UXS1: variants seen among roughly 807,000 people sequenced by gnomAD.
UXS1 encodes the protein UDP-glucuronic acid decarboxylase 1.
UXS1 carries 33 observed loss-of-function variants against 62.6 expected under a neutral mutation model. The observed-to-expected ratio is 0.53, with a 90% CI of 0.40 to 0.70. UXS1 has a LOEUF of 0.70. Among genes scored for constraint, UXS1 ranks in the 30% least tolerant of loss-of-function variants. The pLI, the probability that UXS1 is intolerant of heterozygous loss-of-function variation, is 0.00. For missense variants in UXS1, 434 were observed against 556.3 expected (o/e 0.78, Z 2.21); for synonymous variants, 213 against 206.8 (o/e 1.03, Z -0.26).
chr2:106,103,542 T>C (rs562812040), intron 11 of UXS1, among the ~76,000 whole-genome samples: 117 of 152,340 alleles, frequency 7.7e-4, no homozygotes, highest in African/African-American at 2.6e-3. Context: ...TGTGCCATGA[T>C]AGTTTCCTCC....
Position 106,112,646 on chromosome 2 carries a change from C to G in UXS1, c.879G>C (p.Thr293=). The part of the protein sequence containing the change: ...ILQALQGEPL[T]VYGSGSQTRA... ...TCCCTGAGCCGAGGCCAGCACCTAC[C>G]GTGAGTGGCTCCCCCTGGAGCGCCT... Residue 293 remains threonine, a splice_region_variant and synonymous_variant, in exon 10 of 15, where the codon ACG becomes ACC. Transcript: ENST00000283148. The G allele has an allele frequency of 3.1e-6, 5 of 1,613,808 alleles. No homozygotes were observed. Among genetic ancestry groups the G allele is most frequent in the Non-Finnish European group, 4.2e-6 (5 of 1,179,828 alleles).
chr2:106,123,638 C>T (rs1044036296), intron 8 of UXS1, among the ~76,000 whole-genome samples: 1 of 152,160 alleles, frequency 6.6e-6, no homozygotes, highest in Non-Finnish European at 1.5e-5. Context: ...TCTTCTAGCC[C>T]TCATTTTACA....
chr2:106,117,489 T>C (rs573190578), intron 9 of UXS1, among the ~76,000 whole-genome samples: 53 of 152,238 alleles, frequency 3.5e-4, no homozygotes, highest in Admixed American at 3.9e-4. Flanking sequence ...CTGCTGATGG[T>C]GTTAAGTGAT....
At chr2:106,145,570 C>A in intron 5 of UXS1, 200 bp from the exon 6 acceptor site, 1 of 479,858 alleles carries the variant, frequency 2.1e-6, no homozygotes, top group Non-Finnish European at 3.5e-6. Context: ...TCTGTAAACT[C>A]CTAAGCAGCC....
chr2:106,119,449 C>A (rs755278455), intron 9 of UXS1, among the ~76,000 whole-genome samples: 3 of 152,236 alleles, frequency 2.0e-5, no homozygotes, highest in East Asian at 1.9e-4. Flanking sequence ...GAGGGGGCTG[C>A]GGGGAATTAA....
chr2:106,186,628 TGG>T (rs1291435670), intron 1 of UXS1, among the ~76,000 whole-genome samples: 83 of 152,232 alleles, frequency 5.5e-4, no homozygotes, highest in African/African-American at 2.0e-3. Flanking sequence ...AAATCTTGAC[TGG>T]GTCCTAGATT....
chr2:106,112,588 T>A (rs1281226351), intron 10 of UXS1, 58 bp downstream of exon 10: 1 of 1,597,968 alleles, frequency 6.3e-7, no homozygotes, highest in Non-Finnish European at 8.5e-7. Flanking sequence ...CCTCATCCTT[T>A]GTGAGCTGAC....
intron 1 of UXS1, among the ~76,000 whole-genome samples, chr2:106,176,628 G>A (rs974492881): frequency 3.3e-5 from 5 of 152,164 alleles, no homozygotes; most frequent in Non-Finnish European, 7.4e-5. Flanking sequence ...CCTAAACCTT[G>A]GAGCATGCCC....
At chr2:106,175,520 G>A (rs1236878807) in intron 1 of UXS1, among the ~76,000 whole-genome samples, 1 of 152,156 alleles carries the variant, frequency 6.6e-6, no homozygotes, top group Non-Finnish European at 1.5e-5. Flanking sequence ...TGGGGGTCTT[G>A]AGCTGCTTGG....
chr2:106,107,705 C>T (rs549154554), intron 10 of UXS1, among the ~76,000 whole-genome samples: 23 of 152,304 alleles, frequency 1.5e-4, no homozygotes, highest in Non-Finnish European at 2.2e-4. Flanking sequence ...TATTTCCCAC[C>T]GTTGACTCAT....
At chr2:106,113,765 T>G (rs1678827933) in intron 9 of UXS1, among the ~76,000 whole-genome samples, 1 of 152,218 alleles carries the variant, frequency 6.6e-6, no homozygotes, top group Admixed American at 6.5e-5. Context: ...GCTCTGCTTC[T>G]CACTGCGCCC....
At chr2:106,187,311 C>G (rs866757809) in intron 1 of UXS1, among the ~76,000 whole-genome samples, 2 of 152,140 alleles carry the variant, frequency 1.3e-5, no homozygotes, top group Non-Finnish European at 2.9e-5. Context: ...ATCTCACGCT[C>G]GGGTCAGCCT....
At chr2:106,107,078 G>A (rs540000805) in intron 10 of UXS1, among the ~76,000 whole-genome samples, 2 of 152,088 alleles carry the variant, frequency 1.3e-5, no homozygotes, top group South Asian at 4.2e-4. Flanking sequence ...GGCAACTCCC[G>A]CGTCACAGGC....
At chr2:106,149,449 C>G (rs970641354) in intron 5 of UXS1, among the ~76,000 whole-genome samples, 3 of 152,142 alleles carry the variant, frequency 2.0e-5, no homozygotes, top group African/African-American at 7.2e-5. Flanking sequence ...ATGCCATTAT[C>G]AGAGGAGTGA....
At chr2:106,186,930 A>T (rs1684595252) in intron 1 of UXS1, among the ~76,000 whole-genome samples, 2 of 152,156 alleles carry the variant, frequency 1.3e-5, no homozygotes, top group Admixed American at 1.3e-4. Context: ...GTTAATTTTT[A>T]GGGAGTGATA....
intron 13 of UXS1, chr2:106,097,295 C>A: frequency 2.3e-6 from 1 of 442,078 alleles, no homozygotes; most frequent in South Asian, 1.6e-5. Context: ...TGCAGCCACC[C>A]AGCTGGAGGG....
intron 6 of UXS1, among the ~76,000 whole-genome samples, chr2:106,130,254 C>A (rs1271872166): frequency 6.6e-6 from 1 of 151,888 alleles, no homozygotes; most frequent in Non-Finnish European, 1.5e-5. Context: ...GAGACCATGG[C>A]GAGGGAGGGA....
intron 1 of UXS1, among the ~76,000 whole-genome samples, chr2:106,181,439 C>A (rs1024642426): frequency 6.6e-6 from 1 of 152,138 alleles, no homozygotes; most frequent in Non-Finnish European, 1.5e-5. Flanking sequence ...CTGGGGCAAG[C>A]GGGGCGTGGT....
chr2:106,109,607 CA>C (rs1678413309), intron 10 of UXS1, among the ~76,000 whole-genome samples: 1 of 152,206 alleles, frequency 6.6e-6, no homozygotes. Context: ...AAACTTAGGA[CA>C]ATAGCTCTAC....
Sources: allele counts gnomAD v4.1 joint callset (sites outside exome capture counted in the v4.1 genomes callset), GRCh38; gene constraint gnomAD v4.1.1; transcripts MANE v1.5; gene names NCBI Gene and HGNC (gene_info 2026-07-23, HGNC 2026-07-21).